MTURN: variants seen among roughly 807,000 people sequenced by gnomAD.
MTURN encodes maturin.
Under a neutral mutation model 14.9 loss-of-function variants are expected in MTURN, and 7 were observed. The ratio of observed to expected loss-of-function variants is 0.47; its 90% CI spans 0.27 to 0.88. The LOEUF (loss-of-function observed/expected upper bound fraction) is 0.88, where lower values mean the gene tolerates loss of function less well. Ranked by LOEUF, MTURN falls within the 40% of genes least tolerant of loss-of-function variation. MTURN has a pLI of 0.14. For synonymous variants in MTURN, 69 were observed against 72.5 expected (o/e 0.95, Z 0.25); for missense variants, 151 against 174.1 (o/e 0.87, Z 0.75).
Position 30,161,063 on chromosome 7 carries a change from C to T in MTURN, c.*3515C>T, listed in dbSNP as rs1411960162. On this transcript the variant is annotated 3_prime_UTR_variant, in exon 3 of 3. Transcript: ENST00000324453. ...CACAATATATTTCTGAATATTGTTTCTGTTTCATAAGAGCACAATGTACAT... is the reference window on the plus strand; with the variant it reads ...CACAATATATTTCTGAATATTGTTTTTGTTTCATAAGAGCACAATGTACAT... 1.3e-5 allele frequency: 2 copies of T among 152,638 alleles called. No homozygotes were observed. The highest frequency in any genetic ancestry group is 4.1e-4 in the South Asian group (2 of 4,836). 9.5% of individuals were successfully genotyped at this position (152,638 alleles called of 1,614,324 possible). A position where few individuals can be genotyped will look rare whatever the true frequency, so the allele number is the denominator to read the frequency against.
At position 30,135,257 on chromosome 7, in the gene MTURN, T is replaced by G; in HGVS notation, c.121T>G (p.Phe41Val). Residue 41 changes from phenylalanine (F) to valine (V), a missense_variant, in exon 1 of 3, where the codon TTC (phenylalanine) becomes GTC (valine). Transcript: ENST00000324453. ...TTTCTACGCCGACCCCGGCGTCTCC[T>G]TCTATGTGCTGTGTCCGGACAACGG... ...MDFYADPGVS[F>V]YVLCPDNGCG... 6.6e-7 allele frequency: 1 copy of G among 1,523,138 alleles called. No homozygotes were observed. Among genetic ancestry groups the G allele is most frequent in the Admixed American group, 2.0e-5 (1 of 49,268 alleles). The allele number at this position is 1,523,138 out of a possible 1,614,324, so 94.4% of individuals were successfully genotyped here. A position where few individuals can be genotyped will look rare whatever the true frequency, so the allele number is the denominator to read the frequency against.
chr7:30,155,883 G>T (rs1797279671), intron 2 of MTURN, among the ~76,000 whole-genome samples: 1 of 152,212 alleles, frequency 6.6e-6, no homozygotes, highest in Non-Finnish European at 1.5e-5. Flanking sequence ...GGAAGGGGGT[G>T]GCAGGACACC....
In MTURN at chr7:30,159,945, C is replaced by T. The variant is rs1355524552; in HGVS notation, c.*2397C>T. On this transcript the variant is annotated 3_prime_UTR_variant, in exon 3 of 3. Transcript: ENST00000324453. ...ATGGTGAAACACATCCCTGACCCTT[C>T]ACAGACTTACACATTTACTCACCAG... 1 of 152,358 alleles carries T rather than the reference C, an allele frequency of 6.6e-6. No individual in the cohort carries two copies. Among genetic ancestry groups the T allele is most frequent in the African/African-American group, 2.4e-5 (1 of 41,460 alleles). The allele number at this position is 152,358 out of a possible 1,614,324, so 9.4% of individuals were successfully genotyped here. A position where few individuals can be genotyped will look rare whatever the true frequency, so the allele number is the denominator to read the frequency against.
intron 2 of MTURN, among the ~76,000 whole-genome samples, chr7:30,155,918 A>G (rs1455660485): frequency 1.3e-5 from 2 of 152,190 alleles, no homozygotes; most frequent in East Asian, 3.8e-4. Flanking sequence ...ATTGAACAGA[A>G]TGGTCAGTCT....
intron 1 of MTURN, among the ~76,000 whole-genome samples, chr7:30,143,689 C>T (rs1230321451): frequency 3.3e-5 from 5 of 152,086 alleles, no homozygotes; most frequent in African/African-American, 4.8e-5. Context: ...AAGGCCCTTT[C>T]GTGGGTATTA....
intron 2 of MTURN, among the ~76,000 whole-genome samples, chr7:30,148,988 G>A (rs1291710299): frequency 2.0e-5 from 3 of 152,186 alleles, no homozygotes; most frequent in Non-Finnish European, 2.9e-5. Context: ...TTGACCTGCC[G>A]CCAGCTGGTC....
intron 1 of MTURN, among the ~76,000 whole-genome samples, chr7:30,141,745 ACTC>A (rs2128030750): frequency 6.6e-6 from 1 of 151,894 alleles, no homozygotes; most frequent in South Asian, 2.1e-4. Flanking sequence ...GTGGTCTTGA[ACTC>A]CTGGTCTCAA....
chr7:30,148,491 C>T lies in MTURN; in HGVS notation c.285+2192C>T, dbSNP rs554546707. 2.6e-5 allele frequency among the ~76,000 whole-genome samples: 4 copies of T among 152,308 alleles called. No homozygotes were observed. The South Asian group carries it at 8.3e-4, about 32-fold the overall frequency. ...CATCTTGAAAGCCTCCCTCTGATGA[C>T]TGTGTTGAGAACAGGCTGTGTTAGG... On this transcript the variant is annotated intron_variant, in intron 2 of 2. Coordinates refer to ENST00000324453, the MANE Select transcript of MTURN (RefSeq NM_152793.3).
At chr7:30,142,392 T>C (rs1487692451) in intron 1 of MTURN, among the ~76,000 whole-genome samples, 1 of 152,114 alleles carries the variant, frequency 6.6e-6, no homozygotes, top group African/African-American at 2.4e-5. Flanking sequence ...TAGTCAGTAA[T>C]GGCAATTGCT....
chr7:30,153,851 G>A (rs1797246059), intron 2 of MTURN, among the ~76,000 whole-genome samples: 1 of 152,076 alleles, frequency 6.6e-6, no homozygotes, highest in South Asian at 2.1e-4. Flanking sequence ...CCAAGTAGCT[G>A]GGACTATAGG....
At chr7:30,140,234 C>T (rs1298187509) in intron 1 of MTURN, among the ~76,000 whole-genome samples, 1 of 152,094 alleles carries the variant, frequency 6.6e-6, no homozygotes, top group Non-Finnish European at 1.5e-5. Context: ...CCAGATTGCC[C>T]AGCCTTTCCT....
At chr7:30,152,831 T>C (rs1179132043) in intron 2 of MTURN, among the ~76,000 whole-genome samples, 2 of 152,180 alleles carry the variant, frequency 1.3e-5, no homozygotes, top group South Asian at 2.1e-4. Flanking sequence ...GATACTCTCT[T>C]GGGTCTGAGG....
chr7:30,138,378 G>T (rs1796998878), intron 1 of MTURN, among the ~76,000 whole-genome samples: 1 of 152,146 alleles, frequency 6.6e-6, no homozygotes, highest in African/African-American at 2.4e-5. Flanking sequence ...GCCTCCCAAA[G>T]TGCTGGGATG....
chr7:30,153,726 T>TTTA (rs760871966), intron 2 of MTURN, among the ~76,000 whole-genome samples: 50 of 152,284 alleles, frequency 3.3e-4, no homozygotes, highest in African/African-American at 1.1e-3. Context: ...TTTATTTTAT[T>TTTA]TTATTTTTTT....
chr7:30,141,257 C>T (rs546374222), intron 1 of MTURN: 2 of 151,862 alleles, frequency 1.3e-5, no homozygotes, highest in Admixed American at 6.6e-5. Context: ...TCTACTAAAA[C>T]CACAAAAATT....
intron 1 of MTURN, 37 bp downstream of exon 1, chr7:30,135,335 G>A (rs771603989): frequency 8.1e-6 from 12 of 1,478,680 alleles, no homozygotes; most frequent in Non-Finnish European, 1.1e-5. Flanking sequence ...GAGCCGGCGG[G>A]AGTGTGGACG....
intron 2 of MTURN, among the ~76,000 whole-genome samples, chr7:30,150,664 G>C (rs1487241277): frequency 1.3e-5 from 2 of 152,210 alleles, no homozygotes; most frequent in Non-Finnish European, 2.9e-5. Flanking sequence ...GCTCATTGAG[G>C]AACAAAGCCA....
intron 1 of MTURN, among the ~76,000 whole-genome samples, chr7:30,145,365 G>A (rs373738409): frequency 3.5e-4 from 54 of 152,138 alleles, no homozygotes; most frequent in East Asian, 1.5e-3. Context: ...GTGGTGGTGC[G>A]CACCTGTAGT....
At position 30,160,522 on chromosome 7, in the gene MTURN, G is replaced by A. The variant is rs1797353718; in HGVS notation, c.*2974G>A. The A allele has an allele frequency of 6.6e-6, 1 of 152,288 alleles. No individual in the cohort carries two copies. 9.4% of individuals were successfully genotyped at this position (152,288 alleles called of 1,614,324 possible). On this transcript the variant is annotated 3_prime_UTR_variant, in exon 3 of 3. Transcript: ENST00000324453. Reference sequence around the variant, plus strand: ...TGAAAGATGAGTGCCAGTACTTTTGGCCTGTTATCCAGTAGAGAGAAAGTG... The same window carrying A: ...TGAAAGATGAGTGCCAGTACTTTTGACCTGTTATCCAGTAGAGAGAAAGTG...
Sources: allele counts gnomAD v4.1 joint callset (sites outside exome capture counted in the v4.1 genomes callset), GRCh38; gene constraint gnomAD v4.1.1; transcripts MANE v1.5; gene names NCBI Gene and HGNC (gene_info 2026-07-23, HGNC 2026-07-21).